Variants in CA10 observed in about 807,000 individuals in gnomAD.
CA10 encodes the protein carbonic anhydrase 10 (inactive).
Under a neutral mutation model 44.2 loss-of-function variants are expected in CA10, and 14 were observed. The ratio of observed to expected loss-of-function variants is 0.32; its 90% confidence interval spans 0.21 to 0.50. CA10 has a LOEUF of 0.50. Among genes scored for constraint, CA10 ranks in the 20% least tolerant of loss-of-function variants. The pLI is 0.99. For synonymous variants in CA10, 159 were observed against 141.6 expected, an observed-to-expected ratio of 1.12 and a Z score of -0.87; for missense variants, 350 against 409.7, an observed-to-expected ratio of 0.85 and a Z score of 1.26.
chr17:51,921,112 A>G (rs1233983454), intron 3 of CA10, among the ~76,000 whole-genome samples: 3 of 152,184 alleles, frequency 2.0e-5, no homozygotes, highest in Non-Finnish European at 4.4e-5. Context: ...TCCTAGTTAA[A>G]TCTTCATTCC....
chr17:51,683,693 A>C (rs1323287839), intron 4 of CA10, among the ~76,000 whole-genome samples: 1 of 152,206 alleles, frequency 6.6e-6, no homozygotes, highest in Non-Finnish European at 1.5e-5. Flanking sequence ...TAAAGGATGA[A>C]AGGTGCTCTC....
chr17:51,717,994 C>T (rs1334843661), intron 4 of CA10, among the ~76,000 whole-genome samples: 3 of 147,124 alleles, frequency 2.0e-5, no homozygotes, highest in Non-Finnish European at 4.5e-5. Flanking sequence ...TATGTTCTCA[C>T]GGATATGTGG....
intron 3 of CA10, among the ~76,000 whole-genome samples, chr17:51,850,378 C>T (rs1016370572): frequency 6.6e-6 from 1 of 152,192 alleles, no homozygotes; most frequent in Non-Finnish European, 1.5e-5. Context: ...AAGCAGCAAA[C>T]AAGTACACTC....
At chr17:52,146,344 G>A (rs760371384) in intron 1 of CA10, among the ~76,000 whole-genome samples, 9 of 152,198 alleles carry the variant, frequency 5.9e-5, no homozygotes, top group Non-Finnish European at 1.0e-4. Flanking sequence ...AGGATCACTT[G>A]AGGTTGGGAG....
At chr17:52,048,869 G>A (rs1298956344) in intron 2 of CA10, among the ~76,000 whole-genome samples, 1 of 151,914 alleles carries the variant, frequency 6.6e-6, no homozygotes, top group African/African-American at 2.4e-5. Flanking sequence ...ACAAGAAATG[G>A]GAGGTCATTG....
At chr17:52,104,720 A>G (rs1988620253) in intron 1 of CA10, among the ~76,000 whole-genome samples, 1 of 152,064 alleles carries the variant, frequency 6.6e-6, no homozygotes, top group Non-Finnish European at 1.5e-5. Context: ...GAGGGTACTG[A>G]CTTAAAGAGG....
At chr17:51,972,809 T>G (rs1984329770) in intron 2 of CA10, among the ~76,000 whole-genome samples, 1 of 151,576 alleles carries the variant, frequency 6.6e-6, no homozygotes, top group South Asian at 2.1e-4. Flanking sequence ...ACCAAAAACT[T>G]AGTAAGCAGT....
At chr17:51,668,634 C>T (rs1278396269) in intron 4 of CA10, among the ~76,000 whole-genome samples, 1 of 152,222 alleles carries the variant, frequency 6.6e-6, no homozygotes, top group East Asian at 1.9e-4. Context: ...CCCTTGCTCG[C>T]TCTCGGGACC....
At chr17:52,081,773 C>G (rs1336802593) in intron 1 of CA10, among the ~76,000 whole-genome samples, 6 of 146,974 alleles carry the variant, frequency 4.1e-5, no homozygotes, top group Non-Finnish European at 7.4e-5. Context: ...GCACTCCAGC[C>G]TGGGCGACAG....
chr17:52,065,415 T>C (rs2970035), intron 2 of CA10, among the ~76,000 whole-genome samples: 150,512 of 152,276 alleles, frequency 0.99, 74,404 homozygotes, highest in East Asian at 1. Flanking sequence ...TTAAGGAATA[T>C]TGCTGTCTAT....
intron 3 of CA10, among the ~76,000 whole-genome samples, chr17:51,783,434 A>G (rs1598042854): frequency 6.6e-6 from 1 of 152,164 alleles, no homozygotes; most frequent in Non-Finnish European, 1.5e-5. Flanking sequence ...ACTAGCAACC[A>G]CTGTCTACAT....
At chr17:51,971,743 C>A (rs1016299112) in intron 2 of CA10, among the ~76,000 whole-genome samples, 45 of 151,846 alleles carry the variant, frequency 3.0e-4, no homozygotes, top group Middle Eastern at 6.9e-3. Flanking sequence ...TTTATAGTGT[C>A]CTGTGTTAAT....
chr17:52,021,944 A>G (rs1204865212), intron 2 of CA10, among the ~76,000 whole-genome samples: 1 of 152,122 alleles, frequency 6.6e-6, no homozygotes, highest in Admixed American at 6.6e-5. Context: ...GCCCAGGACC[A>G]GGTGGATTCA....
chr17:51,683,739 G>A (rs1438865392), intron 4 of CA10, among the ~76,000 whole-genome samples: 1 of 152,154 alleles, frequency 6.6e-6, no homozygotes, highest in Non-Finnish European at 1.5e-5. Flanking sequence ...GAAACCCCGG[G>A]ACAAGCCACC....
At chr17:51,660,199 T>C (rs1275412582) in intron 4 of CA10, among the ~76,000 whole-genome samples, 3 of 152,304 alleles carry the variant, frequency 2.0e-5, no homozygotes, top group African/African-American at 4.8e-5. Flanking sequence ...AGAAATTGTA[T>C]TGGAAGGCAG....
chr17:51,761,848 A>C (rs1385320447), intron 3 of CA10: 1 of 152,148 alleles, frequency 6.6e-6, no homozygotes, highest in Non-Finnish European at 1.5e-5. Flanking sequence ...CCCTTCAGGC[A>C]CTTATTATTG....
intron 3 of CA10, among the ~76,000 whole-genome samples, chr17:51,810,477 A>G (rs1907317001): frequency 6.6e-6 from 1 of 152,108 alleles, no homozygotes. Flanking sequence ...TCAGGGCAAG[A>G]GCGAGAGGGC....
At chr17:52,115,413 C>CTTTTG (rs1417298067) in intron 1 of CA10, among the ~76,000 whole-genome samples, 22 of 152,208 alleles carry the variant, frequency 1.4e-4, no homozygotes, top group Admixed American at 7.2e-4. Context: ...GTTTCTTTCC[C>CTTTTG]TTTTGTTTTG....
intron 6 of CA10, among the ~76,000 whole-genome samples, chr17:51,643,825 T>A (rs1913205133): frequency 6.6e-6 from 1 of 152,236 alleles, no homozygotes; most frequent in Non-Finnish European, 1.5e-5. Context: ...TACACCTAGT[T>A]TATACCACTC....
Sources: gnomAD v4.1 joint callset for allele counts (sites outside exome capture counted in the v4.1 genomes callset) on GRCh38, gnomAD v4.1.1 for gene constraint, MANE v1.5 for transcripts, NCBI Gene and HGNC (gene_info 2026-07-23, HGNC 2026-07-21) for gene names.